Variants in SGO1 observed in about 807,000 individuals in gnomAD.
SGO1 encodes shugoshin 1.
A neutral mutation model predicts 50.5 loss-of-function variants in SGO1; 39 were observed. The observed-to-expected ratio is 0.77, with a 90% CI of 0.60 to 1.01. The LOEUF (loss-of-function observed/expected upper bound fraction) is 1.01, where lower values mean the gene tolerates loss of function less well. SGO1 is among the 50% of genes least tolerant of loss of function. The pLI is 0.00. For missense variants in SGO1, 638 were observed against 606.0 expected (o/e 1.05, Z -0.55); for synonymous variants, 191 against 205.1 (o/e 0.93, Z 0.59).
chr3:20,184,062 G>T lies in SGO1; in HGVS notation c.-7-28C>A, dbSNP rs373754361. ...AAACAATAAAAAATATTTTTTCTCA[G>T]AGAGAATATTATCAAATATAAAACT... On this transcript the variant is annotated intron_variant, in intron 1 of 7. Transcript: ENST00000412997. 383 of 1,522,760 alleles carry T rather than the reference G, an allele frequency of 2.5e-4. 1 individual carries two copies. Among genetic ancestry groups the T allele is most frequent in the Non-Finnish European group, 2.7e-4 (309 of 1,141,052 alleles). The allele number at this position is 1,522,760 out of a possible 1,614,324, so 94.3% of individuals were successfully genotyped here.
chr3:20,168,099 A>C (rs1321451343), downstream of SGO1, among the ~76,000 whole-genome samples: 2 of 152,246 alleles, frequency 1.3e-5, 1 homozygote, highest in African/African-American at 4.8e-5. Context: ...ACAATACTTA[A>C]AAGCCTATGA....
rs758941660 is a variant in SGO1 at position 20,174,564 on chromosome 3, T to C, written c.967A>G (p.Lys323Glu). The C allele has an allele frequency of 6.2e-7, 1 of 1,606,502 alleles. No individual in the cohort carries two copies. ...GAACTGACAGATTTGTGCATTTTTT[T>C]TTGGGGAACAGTTTTTTTATTTTCG... is the stretch of plus-strand genomic sequence containing the variant. ...KSENKKTVPQ[K>E]KMHKSVSSND... Residue 323 changes from lysine (K) to glutamate (E), a missense_variant, in exon 6 of 8, where the codon AAA becomes GAA. Lys to Glu is a moderately conservative substitution (Grantham distance 56, BLOSUM62 1). Transcript: ENST00000412997.
rs1701626328 is a variant in SGO1 at position 20,178,297 on chromosome 3, G to A, written c.390C>T (p.Ser130=). The change falls in exon 4 of 8, where the codon TCC becomes TCT. Residue 130 remains serine, a synonymous_variant. Transcript: ENST00000412997. ...SGMDPNSDDS[S]RNLFVKDLPQ... The stretch of plus-strand genomic sequence containing the variant: ...GTAAATCCTTCACAAATAAATTTCT[G>A]GAGCTGTCATCACTATTGGGGTCCA... 4 of 1,612,464 alleles carry A rather than the reference G, an allele frequency of 2.5e-6. No homozygotes were observed. Among genetic ancestry groups the A allele is most frequent in the African/African-American group, 1.3e-5 (1 of 74,854 alleles).
intron 6 of SGO1, among the ~76,000 whole-genome samples, chr3:20,173,118 T>C (rs890879218): frequency 3.4e-5 from 5 of 146,452 alleles, no homozygotes; most frequent in Admixed American, 7.0e-5. Context: ...TATTCTAACA[T>C]CATTATAGCA....
Position 20,169,932 on chromosome 3 carries a change from C to T in SGO1, c.*772G>A, listed in dbSNP as rs1167414046. 3 of 983,514 alleles carry T rather than the reference C, an allele frequency of 3.1e-6. No homozygotes were observed. Among genetic ancestry groups the T allele is most frequent in the Admixed American group, 6.2e-5 (1 of 16,246 alleles). The allele number at this position is 983,514 out of a possible 1,614,324, so 60.9% of individuals were successfully genotyped here. On this transcript the variant is annotated 3_prime_UTR_variant, in exon 8 of 8. Transcript: ENST00000412997. ...TTTACTCGAATACTACACAGAGTTTCAAAAGATCCACAATAATTTATTTTA... is the reference window on the plus strand; with the variant it reads ...TTTACTCGAATACTACACAGAGTTTTAAAAGATCCACAATAATTTATTTTA...
chr3:20,182,262 G>C (rs958636405), intron 3 of SGO1, among the ~76,000 whole-genome samples: 3 of 152,048 alleles, frequency 2.0e-5, no homozygotes, highest in African/African-American at 4.8e-5. Context: ...AGGGAAGCAA[G>C]AACTCTTTCA....
Position 20,169,492 on chromosome 3 carries a change from A to G in SGO1, c.*1212T>C, listed in dbSNP as rs556905155. On this transcript the variant is annotated 3_prime_UTR_variant, in exon 8 of 8. Coordinates refer to ENST00000412997, the MANE Select transcript of SGO1 (RefSeq NM_001199251.3). ...AGAAGGAAAGCAATCACTATCTTATACAAACTTTATTGCTCTTTAAAAATG... is the reference window on the plus strand; with the variant it reads ...AGAAGGAAAGCAATCACTATCTTATGCAAACTTTATTGCTCTTTAAAAATG... The G allele has an allele frequency of 3.5e-5, 34 of 980,458 alleles. No homozygotes were observed. Among genetic ancestry groups the G allele is most frequent in the Admixed American group, 6.1e-5 (1 of 16,292 alleles). The allele number at this position is 980,458 out of a possible 1,614,324, so 60.7% of individuals were successfully genotyped here.
chr3:20,168,494 G>A (rs1365770915), downstream of SGO1, among the ~76,000 whole-genome samples: 2 of 150,778 alleles, frequency 1.3e-5, no homozygotes, highest in Non-Finnish European at 2.9e-5. Flanking sequence ...CCATCCAGAA[G>A]CAGGTGGTGT....
intron 3 of SGO1, among the ~76,000 whole-genome samples, chr3:20,181,129 G>C (rs1040633520): frequency 6.6e-6 from 1 of 152,142 alleles, no homozygotes; most frequent in Non-Finnish European, 1.5e-5. Flanking sequence ...TGCACCCCAG[G>C]CTGGGTAAGA....
intron 4 of SGO1, 97 bp downstream of exon 4, chr3:20,178,174 A>G (rs1274155557): frequency 2.2e-5 from 19 of 850,894 alleles, no homozygotes; most frequent in East Asian, 4.9e-5. Context: ...GACTACAAAT[A>G]TAAGAGTTGA....
Position 20,170,412 on chromosome 3 carries a change from A to G in SGO1, c.*292T>C. 1.0e-6 allele frequency: 1 copy of G among 971,570 alleles called. No individual in the cohort carries two copies. The highest frequency in any genetic ancestry group is 1.2e-6 in the Non-Finnish European group (1 of 814,424). The allele number at this position is 971,570 out of a possible 1,614,324, so 60.2% of individuals were successfully genotyped here. A position where few individuals can be genotyped will look rare whatever the true frequency, so the allele number is the denominator to read the frequency against. ...AAATTCCGCCTCCAAAAAAAAAAAA[A>G]GATATATTTCGACTAAAATTAAGAG... On this transcript the variant is annotated 3_prime_UTR_variant, in exon 8 of 8. Coordinates refer to ENST00000412997, the MANE Select transcript of SGO1 (RefSeq NM_001199251.3).
chr3:20,176,541 T>C, intron 5 of SGO1, 60 bp downstream of exon 5: 1 of 1,018,042 alleles, frequency 9.8e-7, no homozygotes, highest in African/African-American at 1.6e-5. Context: ...AATTGTATTA[T>C]TTGTTCTCAA....
chr3:20,182,115 C>T (rs552682083), intron 3 of SGO1, among the ~76,000 whole-genome samples: 1 of 151,728 alleles, frequency 6.6e-6, no homozygotes, highest in African/African-American at 2.4e-5. Flanking sequence ...ACATAAAGTT[C>T]CCGTGAAGAA....
At position 20,174,413 on chromosome 3, in the gene SGO1, C is replaced by A; in HGVS notation, c.1118G>T (p.Gly373Val). 1 of 1,614,128 alleles carries A rather than the reference C, an allele frequency of 6.2e-7. No homozygotes were observed. The highest frequency in any genetic ancestry group is 8.5e-7 in the Non-Finnish European group (1 of 1,180,022). Residue 373 changes from glycine to valine, a missense_variant, in exon 6 of 8, where the codon GGT (glycine) becomes GTT (valine). Coordinates refer to ENST00000412997, the MANE Select transcript of SGO1 (RefSeq NM_001199251.3). The stretch of plus-strand genomic sequence containing the variant: ...GAGGTCATCGGAATCATCTCCTGAA[C>A]CACTTGATTCACAGAGGCTCACTTC... ...ESEVSLCESS[G>V]SGDDSDDLYL...
intron 5 of SGO1, 33 bp downstream of exon 5, chr3:20,176,568 T>C (rs751305984): frequency 3.0e-6 from 4 of 1,355,184 alleles, no homozygotes; most frequent in Admixed American, 2.2e-5. Context: ...TATTTTGCCC[T>C]TAATAATATT....
chr3:20,174,988 A>G lies in SGO1; in HGVS notation c.543T>C (p.Thr181=), dbSNP rs1175365176. 1 of 1,606,716 alleles carries G rather than the reference A, an allele frequency of 6.2e-7. No individual in the cohort carries two copies. Among genetic ancestry groups the G allele is most frequent in the Non-Finnish European group, 8.5e-7 (1 of 1,176,122 alleles). ...ATACAGTTCTAGGTAAGACATTATC[A>G]GTAGACTTAGCTTCACCTGAATCAA... The part of the protein sequence containing the change: ...VDFDSGEAKS[T]DNVLPRTVSV... The change falls in exon 6 of 8, where the codon ACT becomes ACC. Residue 181 remains threonine, a synonymous_variant. Transcript: ENST00000412997.
At chr3:20,163,648 G>C (rs1700152955) in intron 8 of SGO1, among the ~76,000 whole-genome samples, 1 of 152,140 alleles carries the variant, frequency 6.6e-6, no homozygotes, top group South Asian at 2.1e-4. Flanking sequence ...AATAATAAGA[G>C]CGAGATTATT....
chr3:20,170,396 C>A lies in SGO1; in HGVS notation c.*308G>T, dbSNP rs1259187239. The A allele has an allele frequency of 5.2e-6, 5 of 957,370 alleles. No individual in the cohort carries two copies. The highest frequency in any genetic ancestry group is 6.2e-6 in the Non-Finnish European group (5 of 806,730). 59.3% of individuals were successfully genotyped at this position (957,370 alleles called of 1,614,324 possible). Reference sequence around the variant, plus strand: ...CTGGGCAACAAGAATGAAATTCCGCCTCCAAAAAAAAAAAAAGATATATTT... The same window carrying A: ...CTGGGCAACAAGAATGAAATTCCGCATCCAAAAAAAAAAAAAGATATATTT... On this transcript the variant is annotated 3_prime_UTR_variant, in exon 8 of 8. Coordinates refer to ENST00000412997, the MANE Select transcript of SGO1 (RefSeq NM_001199251.3).
chr3:20,168,393 T>C (rs930885162), downstream of SGO1, among the ~76,000 whole-genome samples: 9 of 151,600 alleles, frequency 5.9e-5, no homozygotes, highest in African/African-American at 2.2e-4. Context: ...TCAAAGTTAG[T>C]GCTTCTATCA....
Sources: gnomAD v4.1 joint callset for allele counts (sites outside exome capture counted in the v4.1 genomes callset) on GRCh38, gnomAD v4.1.1 for gene constraint, MANE v1.5 for transcripts, NCBI Gene and HGNC (gene_info 2026-07-23, HGNC 2026-07-21) for gene names.